Variants in ANKRD31 observed in about 807,000 individuals in gnomAD.
ANKRD31 encodes the protein ankyrin repeat domain-containing protein 31.
In ANKRD31, 147 loss-of-function variants were observed where a neutral mutation model predicts 186.0. The ratio of observed to expected loss-of-function variants is 0.79; its 90% confidence interval spans 0.69 to 0.91. ANKRD31 has a LOEUF of 0.91. Ranked by LOEUF, ANKRD31 falls within the 40% of genes least tolerant of loss-of-function variation. The pLI is 0.00. For missense variants in ANKRD31, 1,986 were observed against 2,148.8 expected, an observed-to-expected ratio of 0.92 and a Z score of 1.50; for synonymous variants, 673 against 736.4, an observed-to-expected ratio of 0.91 and a Z score of 1.39.
At chr5:75,132,348 G>A (rs1749931666) in intron 17 of ANKRD31, among the ~76,000 whole-genome samples, 1 of 152,142 alleles carries the variant, frequency 6.6e-6, no homozygotes, top group South Asian at 2.1e-4. Flanking sequence ...TGAAAACCAT[G>A]GCACGAGAAT....
intron 15 of ANKRD31, among the ~76,000 whole-genome samples, chr5:75,139,983 A>G (rs1750891310): frequency 2.6e-5 from 4 of 152,106 alleles, no homozygotes; most frequent in Admixed American, 2.6e-4. Flanking sequence ...TTTGTTTTCT[A>G]TAGAAACTGC....
intron 2 of ANKRD31, among the ~76,000 whole-genome samples, chr5:75,226,617 C>T (rs748516469): frequency 1.3e-5 from 2 of 152,110 alleles, no homozygotes. Flanking sequence ...GATCTGAACA[C>T]ACATGTCTCA....
At chr5:75,178,115 C>A (rs1183883654) in intron 10 of ANKRD31, among the ~76,000 whole-genome samples, 1 of 152,108 alleles carries the variant, frequency 6.6e-6, no homozygotes, top group Non-Finnish European at 1.5e-5. Context: ...TTTAAACCAA[C>A]AAAGATCAAA....
intron 10 of ANKRD31, among the ~76,000 whole-genome samples, chr5:75,172,346 AG>A (rs1561500729): frequency 1.4e-5 from 2 of 146,284 alleles, no homozygotes; most frequent in Non-Finnish European, 3.0e-5. Flanking sequence ...ACATGAGAAA[AG>A]CTAGCATAAA....
At chr5:75,175,871 T>C (rs1189376465) in intron 10 of ANKRD31, among the ~76,000 whole-genome samples, 1 of 151,792 alleles carries the variant, frequency 6.6e-6, no homozygotes, top group Non-Finnish European at 1.5e-5. Context: ...CACTGTGGAG[T>C]GCCGGATAGT....
chr5:75,094,760 A>C (rs145196624), intron 22 of ANKRD31, among the ~76,000 whole-genome samples: 1 of 152,202 alleles, frequency 6.6e-6, no homozygotes, highest in South Asian at 2.1e-4. Context: ...ACTAAAAAAA[A>C]TAAGACCCAA....
At chr5:75,222,417 T>C in intron 2 of ANKRD31, 59 bp from the exon 3 acceptor site, 2 of 1,234,106 alleles carry the variant, frequency 1.6e-6, no homozygotes, top group Non-Finnish European at 2.3e-6. Context: ...GCTTTGATAA[T>C]GGCCCAATAA....
At chr5:75,101,650 T>G (rs1746890597) in intron 22 of ANKRD31, among the ~76,000 whole-genome samples, 1 of 152,088 alleles carries the variant, frequency 6.6e-6, no homozygotes, top group Non-Finnish European at 1.5e-5. Context: ...TTCTCTAAAC[T>G]TCTCCTCTCG....
At chr5:75,187,557 G>A (rs1323240564) in intron 10 of ANKRD31, among the ~76,000 whole-genome samples, 1 of 151,876 alleles carries the variant, frequency 6.6e-6, no homozygotes, top group East Asian at 1.9e-4. Flanking sequence ...GAACTCAATG[G>A]GCAGACAAAG....
chr5:75,146,638 T>C lies in ANKRD31; in HGVS notation c.2773A>G (p.Lys925Glu). Residue 925 changes from lysine to glutamate, a missense_variant, in exon 14 of 26, where the codon AAA (lysine) becomes GAA (glutamate). Transcript: ENST00000506364. ...SKKVLCSTGG[K>E]KHYNFKENLT... ...TTCTCCTTAAAATTATAGTGTTTTT[T>C]GCCACCTGTAGAACACAACACCTTT... is the stretch of plus-strand genomic sequence containing the variant. 1.3e-6 allele frequency: 2 copies of C among 1,535,844 alleles called. No homozygotes were observed. The highest frequency in any genetic ancestry group is 1.4e-5 in the African/African-American group (1 of 73,008).
chr5:75,151,530 G>A (rs1469533910), intron 12 of ANKRD31, among the ~76,000 whole-genome samples: 6 of 151,962 alleles, frequency 3.9e-5, no homozygotes, highest in Admixed American at 6.6e-5. Context: ...GAAGAAGGAC[G>A]TGTTTGTTTC....
In ANKRD31 at chr5:75,163,241, A is replaced by C. The variant is rs374552351; in HGVS notation, c.1707+5738T>G. On this transcript the variant is annotated intron_variant, in intron 11 of 25. Transcript: ENST00000506364. ...GAATTTTGGATTTTGGAATATTTGC[A>C]CTACCCTATGGGTATGATGCAGGCC... is the stretch of plus-strand genomic sequence containing the variant. Among the ~76,000 whole-genome samples the C allele has an allele frequency of 2.3e-3, 346 of 152,278 alleles. 20 individuals carry two copies. In the South Asian group the frequency reaches 0.069, roughly 30 times the overall value.
At chr5:75,199,897 A>G (rs1451307793) in intron 5 of ANKRD31, among the ~76,000 whole-genome samples, 1 of 152,198 alleles carries the variant, frequency 6.6e-6, no homozygotes, top group Non-Finnish European at 1.5e-5. Flanking sequence ...AGCTCCAAAA[A>G]AATTGTAACT....
intron 10 of ANKRD31, among the ~76,000 whole-genome samples, chr5:75,176,934 C>T (rs188953505): frequency 8.6e-5 from 13 of 151,534 alleles, no homozygotes; most frequent in South Asian, 6.4e-4. Flanking sequence ...CAAACTACTC[C>T]GAGCTAAAGG....
In ANKRD31 at chr5:75,210,108, G is replaced by A. The variant is rs557766414; in HGVS notation, c.326+720C>T. Among the ~76,000 whole-genome samples, 177 of 152,252 alleles carry A rather than the reference G, an allele frequency of 1.2e-3. 1 individual carries two copies. The highest frequency in any genetic ancestry group is 2.5e-4 in the Non-Finnish European group (17 of 67,998). On this transcript the variant is annotated intron_variant, in intron 4 of 25. Coordinates refer to ENST00000506364, the MANE Select transcript of ANKRD31 (RefSeq NM_001372053.1). ...CACAGACCATACTTTGAGAATCATT[G>A]TTTTAAAAGAACTGAAAGGACAGTT...
intron 3 of ANKRD31, among the ~76,000 whole-genome samples, chr5:75,220,565 C>G (rs765457866): frequency 6.6e-6 from 1 of 151,788 alleles, no homozygotes; most frequent in Non-Finnish European, 1.5e-5. Context: ...TCACTTGAAC[C>G]TGGGAGGCAG....
chr5:75,184,337 T>C (rs555614330), intron 10 of ANKRD31, among the ~76,000 whole-genome samples: 2 of 152,120 alleles, frequency 1.3e-5, no homozygotes, highest in East Asian at 1.9e-4. Context: ...CACTAGGCAA[T>C]ACTTTTTTAG....
chr5:75,118,846 C>A (rs968323318), intron 17 of ANKRD31, among the ~76,000 whole-genome samples: 1 of 152,118 alleles, frequency 6.6e-6, no homozygotes, highest in Non-Finnish European at 1.5e-5. Flanking sequence ...TAATTTATCT[C>A]TCTAACACAG....
In ANKRD31 at chr5:75,147,274, T is replaced by C. The variant is rs1224411152; in HGVS notation, c.2137A>G (p.Asn713Asp). The change falls in exon 14 of 26, where the codon AAT (asparagine) becomes GAT (aspartate). Residue 713 changes from asparagine (N) to aspartate (D), a missense_variant. Asn to Asp is a conservative substitution (Grantham distance 23). Transcript: ENST00000506364. Reference protein sequence around the residue: ...QIYSTGLRKGNLHNVKDPNTN... With the variant: ...QIYSTGLRKGDLHNVKDPNTN... ...TTGGGATCTTTGACGTTATGGAGAT[T>C]GCCCTTTCTGAGTCCTGTAGAGTAT... 1.3e-6 allele frequency: 2 copies of C among 1,535,932 alleles called. No homozygotes were observed. Among genetic ancestry groups the C allele is most frequent in the African/African-American group, 2.7e-5 (2 of 72,938 alleles).
Sources: allele counts gnomAD v4.1 joint callset (sites outside exome capture counted in the v4.1 genomes callset), GRCh38; gene constraint gnomAD v4.1.1; transcripts MANE v1.5; gene names NCBI Gene and HGNC (gene_info 2026-07-23, HGNC 2026-07-21).